The following ESRRB variants were observed in gnomAD, a reference collection of about 807,000 sequenced individuals.
ESRRB encodes steroid hormone receptor ERR2.
In ESRRB, 16 loss-of-function variants were observed where a neutral mutation model predicts 46.0. The ratio of observed to expected loss-of-function variants is 0.35; its 90% CI spans 0.24 to 0.53. The LOEUF (loss-of-function observed/expected upper bound fraction) is 0.53, where lower values mean the gene tolerates loss of function less well. Ranked by LOEUF, ESRRB falls within the 20% of genes least tolerant of loss-of-function variation. ESRRB has a pLI of 0.93. For synonymous variants in ESRRB, 246 were observed against 259.6 expected (o/e 0.95, Z 0.50); for missense variants, 488 against 607.4 (o/e 0.80, Z 2.07).
chr14:76,456,821 G>A (rs1422865699), intron 2 of ESRRB, among the ~76,000 whole-genome samples: 2 of 152,306 alleles, frequency 1.3e-5, no homozygotes, highest in East Asian at 3.9e-4. Context: ...TGGGTGAGGG[G>A]GAGGATCGGG....
At position 76,348,817 on chromosome 14, in the gene ESRRB, G is replaced by A. The variant is rs189691448; in HGVS notation, c.2+37901G>A. Among the ~76,000 whole-genome samples the A allele has an allele frequency of 4.6e-4, 70 of 152,294 alleles. No individual in the cohort carries two copies. The East Asian group carries it at 0.012, about 26-fold the overall frequency. On this transcript the variant is annotated intron_variant, in intron 1 of 6. Transcript: ENST00000512784. The stretch of plus-strand genomic sequence containing the variant: ...CTGCGCATAGTTACTGATATACCCC[G>A]TGTTGATGCAGGTGTTAAGTCCCCT...
chr14:76,385,757 C>T (rs1427083116), intron 1 of ESRRB, among the ~76,000 whole-genome samples: 1 of 152,202 alleles, frequency 6.6e-6, no homozygotes, highest in Non-Finnish European at 1.5e-5. Flanking sequence ...CTGGCCTTTG[C>T]ATTATGAATA....
chr14:76,361,102 T>C (rs996787546), intron 1 of ESRRB, among the ~76,000 whole-genome samples: 2 of 152,172 alleles, frequency 1.3e-5, no homozygotes, highest in African/African-American at 4.8e-5. Context: ...TTGCTGGTGG[T>C]AGAATCATGA....
chr14:76,381,789 G>A (rs1885024924), intron 1 of ESRRB, among the ~76,000 whole-genome samples: 1 of 152,170 alleles, frequency 6.6e-6, no homozygotes, highest in African/African-American at 2.4e-5. Flanking sequence ...ACTGCTTTGG[G>A]TAGGGAGCCT....
chr14:76,394,068 T>TG (rs1885577295), intron 1 of ESRRB, among the ~76,000 whole-genome samples: 2 of 150,230 alleles, frequency 1.3e-5, no homozygotes, highest in Non-Finnish European at 3.0e-5. Context: ...CCCAAAATGC[T>TG]GGTATTACAG....
chr14:76,334,477 A>T lies in ESRRB; in HGVS notation c.2+23561A>T, dbSNP rs1005448694. 3.9e-5 allele frequency among the ~76,000 whole-genome samples: 6 copies of T among 152,206 alleles called. No homozygotes were observed. In the South Asian group the frequency reaches 1.0e-3, roughly 26 times the overall value. On this transcript the variant is annotated intron_variant, in intron 1 of 6. Transcript: ENST00000512784. ...TCGCGCTCACAGCCGCCTGGGAAGC[A>T]CAGGGCATCAGCTGGAGGGGGAATA...
chr14:76,449,630 CTTCT>C (rs1888297817), intron 2 of ESRRB, among the ~76,000 whole-genome samples: 3 of 152,000 alleles, frequency 2.0e-5, no homozygotes, highest in Admixed American at 6.6e-5. Flanking sequence ...TGATTGCGGT[CTTCT>C]TAGGACCATG....
At chr14:76,497,807 A>G (rs1890490952) in intron 6 of ESRRB, among the ~76,000 whole-genome samples, 1 of 151,988 alleles carries the variant, frequency 6.6e-6, no homozygotes, top group Admixed American at 6.6e-5. Context: ...TCTGTTATAA[A>G]CCCTTGACCT....
intron 1 of ESRRB, among the ~76,000 whole-genome samples, chr14:76,420,677 T>A (rs1238483494): frequency 6.6e-6 from 1 of 151,164 alleles, no homozygotes; most frequent in Non-Finnish European, 1.5e-5. Flanking sequence ...TTTTGGCACT[T>A]TGGCCAAATG....
chr14:76,330,382 T>G (rs1329087790), intron 1 of ESRRB, among the ~76,000 whole-genome samples: 1 of 152,140 alleles, frequency 6.6e-6, no homozygotes, highest in Non-Finnish European at 1.5e-5. Context: ...CCAAGAAGCA[T>G]CCCTGCACTG....
At chr14:76,474,294 GC>G (rs1889487570) in intron 3 of ESRRB, among the ~76,000 whole-genome samples, 1 of 152,186 alleles carries the variant, frequency 6.6e-6, no homozygotes, top group Admixed American at 6.5e-5. Flanking sequence ...ACTACTGAGT[GC>G]CTACTGTGTA....
chr14:76,352,665 A>T (rs1312625945), intron 1 of ESRRB, among the ~76,000 whole-genome samples: 1 of 152,120 alleles, frequency 6.6e-6, no homozygotes, highest in Non-Finnish European at 1.5e-5. Flanking sequence ...CAATAATAAC[A>T]TCTGGCTTTC....
intron 1 of ESRRB, among the ~76,000 whole-genome samples, chr14:76,326,057 C>A (rs191130411): frequency 6.6e-6 from 1 of 152,310 alleles, no homozygotes; most frequent in Non-Finnish European, 1.5e-5. Flanking sequence ...ACTCCACATG[C>A]CCGGCATCCA....
intron 1 of ESRRB, among the ~76,000 whole-genome samples, chr14:76,412,558 A>T (rs1886488998): frequency 6.6e-6 from 1 of 151,870 alleles, no homozygotes. Context: ...CTCCTTGCAA[A>T]CCACACCTTT....
At chr14:76,425,164 G>T (rs541510070) in intron 1 of ESRRB, among the ~76,000 whole-genome samples, 1 of 152,256 alleles carries the variant, frequency 6.6e-6, no homozygotes, top group African/African-American at 2.4e-5. Context: ...GCTGCCTTCC[G>T]CAGTCTGGAG....
At position 76,491,681 on chromosome 14, in the gene ESRRB, T is replaced by C; in HGVS notation, c.1085T>C (p.Phe362Ser). The C allele has an allele frequency of 6.3e-7, 1 of 1,586,280 alleles. No homozygotes were observed. Among genetic ancestry groups the C allele is most frequent in the Non-Finnish European group, 8.6e-7 (1 of 1,168,260 alleles). Residue 362 changes from phenylalanine (F) to serine (S), a missense_variant, in exon 6 of 7, where the codon TTT becomes TCT. Physicochemically the swap from Phe to Ser is radical, Grantham distance 155. Coordinates refer to ENST00000644823, the MANE Select transcript of ESRRB (RefSeq NM_001379180.1). ...AAGCTCAAGGTGGAGAAGGAGGAGT[T>C]TGTGACGCTCAAGGCCCTGGCCCTC... The part of the protein sequence containing the change: ...YKKLKVEKEE[F>S]VTLKALALAN...
At chr14:76,398,280 G>A (rs1885784583) in intron 1 of ESRRB, among the ~76,000 whole-genome samples, 1 of 152,158 alleles carries the variant, frequency 6.6e-6, no homozygotes, top group South Asian at 2.1e-4. Flanking sequence ...AGGTTGAGTA[G>A]CACCCCCAAA....
chr14:76,468,213 T>A (rs1379063244), intron 3 of ESRRB, among the ~76,000 whole-genome samples: 1 of 152,194 alleles, frequency 6.6e-6, no homozygotes, highest in African/African-American at 2.4e-5. Flanking sequence ...GCCCTGTGAA[T>A]GAAGAAAGAG....
At chr14:76,478,235 G>A (rs1889658015) in intron 3 of ESRRB, among the ~76,000 whole-genome samples, 1 of 152,192 alleles carries the variant, frequency 6.6e-6, no homozygotes, top group African/African-American at 2.4e-5. Flanking sequence ...GAAGCCCAGT[G>A]TGCTCTGGGA....
Sources: gnomAD v4.1 joint callset for allele counts (sites outside exome capture counted in the v4.1 genomes callset) on GRCh38, gnomAD v4.1.1 for gene constraint, MANE v1.5 for transcripts, NCBI Gene and HGNC (gene_info 2026-07-23, HGNC 2026-07-21) for gene names.